The following ADAMTS10 variants were observed in gnomAD, a reference collection of about 807,000 sequenced individuals.
ADAMTS10 encodes A disintegrin and metalloproteinase with thrombospondin motifs 10.
In ADAMTS10, 48 loss-of-function variants were observed where a neutral mutation model predicts 135.9. The observed-to-expected ratio is 0.35, with a 90% confidence interval of 0.28 to 0.45. The LOEUF is 0.45. Ranked by LOEUF, ADAMTS10 falls within the 20% of genes least tolerant of loss-of-function variation. The pLI, the probability that ADAMTS10 is intolerant of heterozygous loss-of-function variation, is 1.00. For missense variants in ADAMTS10, 1,131 were observed against 1,565.2 expected, an observed-to-expected ratio of 0.72 and a Z score of 4.68; for synonymous variants, 621 against 647.5, an observed-to-expected ratio of 0.96 and a Z score of 0.62.
At chr19:8,602,419 G>A (rs1282984237) in intron 5 of ADAMTS10, among the ~76,000 whole-genome samples, 2 of 151,948 alleles carry the variant, frequency 1.3e-5, no homozygotes, top group Non-Finnish European at 2.9e-5. Context: ...CCCGGGTTCA[G>A]GCGATTCTCC....
intron 13 of ADAMTS10, 98 bp from the exon 14 acceptor site, chr19:8,592,201 G>A: frequency 6.3e-7 from 1 of 1,585,584 alleles, no homozygotes; most frequent in Non-Finnish European, 8.6e-7. Flanking sequence ...AGAGATATCA[G>A]CCTCTCCGGG....
intron 15 of ADAMTS10, 137 bp from the exon 16 acceptor site, chr19:8,590,128 G>C (rs572205955): frequency 1.0e-5 from 7 of 680,068 alleles, no homozygotes; most frequent in Non-Finnish European, 1.9e-5. Context: ...GGTGGTCTGC[G>C]TGAGACTAGG....
chr19:8,602,959 G>T (rs1355239881), intron 5 of ADAMTS10, among the ~76,000 whole-genome samples: 1 of 152,168 alleles, frequency 6.6e-6, no homozygotes, highest in Non-Finnish European at 1.5e-5. Context: ...GATTGTGTTG[G>T]TAAGTATTTT....
In ADAMTS10 at chr19:8,589,868, C is replaced by T. The variant is rs201748444; in HGVS notation, c.1900+21G>A. On this transcript the variant is annotated intron_variant, in intron 16 of 25. Coordinates refer to ENST00000597188, the MANE Select transcript of ADAMTS10 (RefSeq NM_030957.4). ...ACGGCTGCCCTTCACGGCCCCACAGCCTTTGGAGTCCCACACTCACCTCCC... is the reference window on the plus strand; with the variant it reads ...ACGGCTGCCCTTCACGGCCCCACAGTCTTTGGAGTCCCACACTCACCTCCC... The T allele has an allele frequency of 8.7e-5, 139 of 1,606,572 alleles. No individual in the cohort carries two copies. The East Asian group carries it at 2.8e-3, about 32-fold the overall frequency.
In ADAMTS10 at chr19:8,605,592, C is replaced by G; in HGVS notation, c.88+31G>C. On this transcript the variant is annotated intron_variant, in intron 3 of 25. Coordinates refer to ENST00000597188, the MANE Select transcript of ADAMTS10 (RefSeq NM_030957.4). This position sits in a 1 kb window ranked among gnomAD's most constrained non-coding sequence, Gnocchi z 7.7. The stretch of plus-strand genomic sequence containing the variant: ...ACTGGTCTCTTACATTTTTCGCTCC[C>G]TCCCCACCGCCACCACCAGACTTCC... 6.2e-7 allele frequency: 1 copy of G among 1,608,894 alleles called. No individual in the cohort carries two copies. The highest frequency in any genetic ancestry group is 8.5e-7 in the Non-Finnish European group (1 of 1,178,100).
At position 8,596,731 on chromosome 19, in the gene ADAMTS10, A is replaced by C. The variant is rs1346506562; in HGVS notation, c.1041-146T>G. ...AAGCTGCATACAGGAGTGACTGACC[A>C]CATGAATGAATGAATGCATGCATGC... On this transcript the variant is annotated intron_variant, in intron 8 of 25. Transcript: ENST00000597188. The surrounding 1 kb of genome is among the most constrained non-coding windows in gnomAD (Gnocchi z 7.2). The C allele has an allele frequency of 5.5e-6, 6 of 1,098,040 alleles. No homozygotes were observed. In the Admixed American group the frequency reaches 1.3e-4, roughly 24 times the overall value. The allele number at this position is 1,098,040 out of a possible 1,614,324, so 68.0% of individuals were successfully genotyped here.
At chr19:8,600,777 T>A in intron 6 of ADAMTS10, 151 bp downstream of exon 6, 1 of 906,372 alleles carries the variant, frequency 1.1e-6, no homozygotes. Flanking sequence ...GGATTACAGG[T>A]GTGAGCCACC....
intron 22 of ADAMTS10, 74 bp from the exon 23 acceptor site, chr19:8,585,734 C>T (rs1229617558): frequency 3.5e-6 from 5 of 1,412,662 alleles, no homozygotes; most frequent in Admixed American, 1.9e-5. Context: ...GGCACTATAG[C>T]CTACCCCCAC....
Position 8,603,848 on chromosome 19 carries a change from T to C in ADAMTS10, c.472A>G (p.Ile158Val), listed in dbSNP as rs2042692186. The C allele has an allele frequency of 6.2e-7, 1 of 1,613,684 alleles. No homozygotes were observed. Among genetic ancestry groups the C allele is most frequent in the Non-Finnish European group, 8.5e-7 (1 of 1,179,740 alleles). ...TTGGGCCCACCGTGCAGGGGCTCAA[T>C]CAGGTACTCTTCCTCGTCTGCCACG... ...LIVADEEEYL[I>V]EPLHGGPKGS... The change falls in exon 5 of 26, where the codon ATT (isoleucine) becomes GTT (valine). Residue 158 changes from isoleucine (I) to valine (V), a missense_variant. Ile to Val is a conservative substitution (Grantham distance 29, BLOSUM62 3). Around this residue, in one of 3 missense-constraint regions of ADAMTS10, gnomAD observed 306 missense variants for 344.4 expected, o/e 0.89. Transcript: ENST00000597188.
chr19:8,600,653 C>G (rs1012019009), intron 6 of ADAMTS10, among the ~76,000 whole-genome samples: 2 of 152,086 alleles, frequency 1.3e-5, no homozygotes, highest in Admixed American at 6.5e-5. Flanking sequence ...CGCCCGCCAC[C>G]ACACTCGGCT....
Position 8,587,929 on chromosome 19 carries a change from T to TC in ADAMTS10, c.2159-1034dup, listed in dbSNP as rs2042461062. ...CTGTGTGACAGAGCGAGACCCCATC[T>TC]CAAAAAAAAAAAAAAAAAAAAGAAT... On this transcript the variant is annotated intron_variant, in intron 18 of 25. Transcript: ENST00000597188. 1.5e-4 allele frequency among the ~76,000 whole-genome samples: 6 copies of TC among 40,892 alleles called. No individual in the cohort carries two copies. In the South Asian group the frequency reaches 8.3e-3, roughly 56 times the overall value. 26.8% of individuals were successfully genotyped at this position (40,892 alleles called of 152,430 possible). A position where few individuals can be genotyped will look rare whatever the true frequency, so the allele number is the denominator to read the frequency against.
intron 6 of ADAMTS10, among the ~76,000 whole-genome samples, chr19:8,598,307 C>T (rs188142944): frequency 6.6e-6 from 1 of 152,038 alleles, no homozygotes; most frequent in Non-Finnish European, 1.5e-5. Flanking sequence ...TGCTTACCCC[C>T]CTGACTGCCT....
At chr19:8,604,507 G>A (rs1238911026) in intron 4 of ADAMTS10, among the ~76,000 whole-genome samples, 2 of 149,024 alleles carry the variant, frequency 1.3e-5, no homozygotes, top group Admixed American at 6.7e-5. Context: ...AAAGAGTCAG[G>A]GTCTTGTTCT....
rs782412095 is a variant in ADAMTS10 at position 8,580,928 on chromosome 19, G to T, written c.3277C>A (p.Arg1093Ser). 5.0e-6 allele frequency: 8 copies of T among 1,612,940 alleles called. No individual in the cohort carries two copies. Among genetic ancestry groups the T allele is most frequent in the Non-Finnish European group, 6.8e-6 (8 of 1,179,636 alleles). The change falls in exon 26 of 26, where the codon CGC becomes AGC. Residue 1093 changes from arginine to serine, a missense_variant. This residue lies in a region of ADAMTS10 where 745 missense variants were observed against 1,056.3 expected (regional missense o/e 0.71). Coordinates refer to ENST00000597188, the MANE Select transcript of ADAMTS10 (RefSeq NM_030957.4). ...KFQFCSRAYF[R>S]QMCCKTCHGH ...TGGCAGGTTTTGCAGCACATCTGGC[G>T]GAAGTAGGCTCGGCTGCAGAACTGA...
Position 8,605,493 on chromosome 19 carries a change from C to A in ADAMTS10, c.88+130G>T. 3 of 1,471,198 alleles carry A rather than the reference C, an allele frequency of 2.0e-6. No homozygotes were observed. The highest frequency in any genetic ancestry group is 2.5e-5 in the East Asian group (1 of 40,570). The allele number at this position is 1,471,198 out of a possible 1,614,324, so 91.1% of individuals were successfully genotyped here. ...TCCAGGGAGTTGGCTGCAAGGCTCC[C>A]GCCTATTGACCCCAGGGCCTTCCCC... On this transcript the variant is annotated intron_variant, in intron 3 of 25. Coordinates refer to ENST00000597188, the MANE Select transcript of ADAMTS10 (RefSeq NM_030957.4). The surrounding 1 kb of genome is among the most constrained non-coding windows in gnomAD (Gnocchi z 7.7).
chr19:8,609,988 CACGGG>C (rs1338031275), intron 1 of ADAMTS10, among the ~76,000 whole-genome samples: 1 of 152,032 alleles, frequency 6.6e-6, no homozygotes, highest in Admixed American at 6.6e-5. Context: ...CACGCGCACA[CACGGG>C]ACAAGACAGA....
intron 2 of ADAMTS10, among the ~76,000 whole-genome samples, chr19:8,607,234 A>T (rs1172637585): frequency 6.6e-6 from 1 of 152,150 alleles, no homozygotes; most frequent in Non-Finnish European, 1.5e-5. Flanking sequence ...TTTAAAGCTA[A>T]GGCTAGTATT....
At chr19:8,584,177 A>G (rs1310620623) in intron 25 of ADAMTS10, among the ~76,000 whole-genome samples, 1 of 145,168 alleles carries the variant, frequency 6.9e-6, no homozygotes, top group South Asian at 2.2e-4. Flanking sequence ...AAAAAAAAAA[A>G]GTAAATAAAA....
chr19:8,591,772 A>T (rs373008527), intron 15 of ADAMTS10, 28 bp downstream of exon 15: 2 of 1,608,384 alleles, frequency 1.2e-6, no homozygotes, highest in African/African-American at 2.8e-5. Context: ...TCCTCCCCCC[A>T]CCCCTCAAGG....
Sources: gnomAD v4.1 joint callset for allele counts (sites outside exome capture counted in the v4.1 genomes callset) on GRCh38, gnomAD v4.1.1 for gene constraint, gnomAD v4.1.1 regional missense constraint, Gnocchi (gnomAD v3.1) non-coding constraint, MANE v1.5 for transcripts, NCBI Gene and HGNC (gene_info 2026-07-23, HGNC 2026-07-21) for gene names.